Variants in GPR39 observed in about 807,000 individuals in gnomAD.
GPR39 encodes zinc sensing receptor.
GPR39 carries 23 observed loss-of-function variants against 18.4 expected under a neutral mutation model. That is an observed-to-expected ratio of 1.25 (90% CI 0.90 to 1.77). The LOEUF (loss-of-function observed/expected upper bound fraction) is 1.77, where lower values mean the gene tolerates loss of function less well. GPR39 is among the 40% of genes most tolerant of loss of function. The pLI is 0.00. For missense variants in GPR39, 647 were observed against 602.4 expected, an observed-to-expected ratio of 1.07 and a Z score of -0.78; for synonymous variants, 280 against 257.9, an observed-to-expected ratio of 1.09 and a Z score of -0.82.
At chr2:132,510,187 G>C (rs925446266) in intron 1 of GPR39, among the ~76,000 whole-genome samples, 1 of 152,188 alleles carries the variant, frequency 6.6e-6, no homozygotes, top group Non-Finnish European at 1.5e-5. Flanking sequence ...CACTGGGATG[G>C]TTTTTGTGAA....
At chr2:132,476,239 T>C (rs187982919) in intron 1 of GPR39, among the ~76,000 whole-genome samples, 1 of 152,214 alleles carries the variant, frequency 6.6e-6, no homozygotes, top group African/African-American at 2.4e-5. Context: ...GTATTCCAAC[T>C]CCAAAATCTT....
At chr2:132,510,738 A>G (rs780892002) in intron 1 of GPR39, among the ~76,000 whole-genome samples, 2 of 152,200 alleles carry the variant, frequency 1.3e-5, no homozygotes, top group African/African-American at 2.4e-5. Flanking sequence ...AATAGATCTG[A>G]TAAAATGGAT....
At chr2:132,615,936 CTT>C (rs35978559) in intron 1 of GPR39, among the ~76,000 whole-genome samples, 50,949 of 133,866 alleles carry the variant, frequency 0.38, 10,562 homozygotes, top group African/African-American at 0.61. Flanking sequence ...CATTCCAGCT[CTT>C]TTTTTTTTTT....
chr2:132,461,170 G>A (rs1178411391), intron 1 of GPR39, among the ~76,000 whole-genome samples: 4 of 152,156 alleles, frequency 2.6e-5, no homozygotes, highest in Non-Finnish European at 5.9e-5. Flanking sequence ...TGCAGATAAG[G>A]AAAATGGGAT....
At chr2:132,611,478 G>A (rs1372068947) in intron 1 of GPR39, among the ~76,000 whole-genome samples, 1 of 152,192 alleles carries the variant, frequency 6.6e-6, no homozygotes, top group Non-Finnish European at 1.5e-5. Flanking sequence ...CGAGAAATCA[G>A]TAAGCTCCAG....
chr2:132,551,367 A>G (rs1442228973), intron 1 of GPR39, among the ~76,000 whole-genome samples: 1 of 152,204 alleles, frequency 6.6e-6, no homozygotes, highest in Non-Finnish European at 1.5e-5. Context: ...AAAGAAGTTG[A>G]AAAAAGGATG....
chr2:132,482,878 A>G (rs1681261285), intron 1 of GPR39, among the ~76,000 whole-genome samples: 1 of 152,202 alleles, frequency 6.6e-6, no homozygotes, highest in Admixed American at 6.5e-5. Flanking sequence ...ATAAAAAGAA[A>G]TTCTTACAGT....
chr2:132,620,084 G>T (rs749355198), intron 1 of GPR39, among the ~76,000 whole-genome samples: 1 of 152,184 alleles, frequency 6.6e-6, no homozygotes, highest in Admixed American at 6.5e-5. Context: ...AAGTCCCCAT[G>T]CCTCAGTCAG....
intron 1 of GPR39, among the ~76,000 whole-genome samples, chr2:132,636,607 T>C (rs937786543): frequency 6.6e-6 from 1 of 152,224 alleles, no homozygotes; most frequent in Admixed American, 6.5e-5. Context: ...TTTGGACTCA[T>C]GGGCTGTGTA....
chr2:132,500,726 C>A (rs1679013545), intron 1 of GPR39, among the ~76,000 whole-genome samples: 1 of 151,768 alleles, frequency 6.6e-6, no homozygotes, highest in African/African-American at 2.4e-5. Flanking sequence ...TTTTTGTTGG[C>A]AATTTTTTAA....
chr2:132,644,377 A>C (rs1266725203), intron 1 of GPR39, among the ~76,000 whole-genome samples: 1 of 152,246 alleles, frequency 6.6e-6, no homozygotes, highest in African/African-American at 2.4e-5. Context: ...TACTGGCTGA[A>C]CTAGAAGGAA....
At chr2:132,619,830 GACACACACACAC>G (rs59907073) in intron 1 of GPR39, among the ~76,000 whole-genome samples, 2 of 138,474 alleles carry the variant, frequency 1.4e-5, no homozygotes, top group South Asian at 2.3e-4. Context: ...CACAGACACA[GACACACACACAC>G]ACACACACAC....
chr2:132,461,642 T>C (rs1392673533), intron 1 of GPR39, among the ~76,000 whole-genome samples: 2 of 152,256 alleles, frequency 1.3e-5, no homozygotes, highest in Admixed American at 6.5e-5. Context: ...CATTTCTTGC[T>C]GTTTTCATAT....
intron 1 of GPR39, among the ~76,000 whole-genome samples, chr2:132,475,927 G>A (rs773655983): frequency 6.6e-6 from 1 of 152,140 alleles, no homozygotes; most frequent in African/African-American, 2.4e-5. Context: ...GCAGCCATTT[G>A]ACCTTCCAGT....
rs997017984 is a variant in GPR39, at chr2:132,646,150, G to T, written c.*544G>T. The T allele has an allele frequency of 1.2e-6, 2 of 1,611,796 alleles. No homozygotes were observed. Among genetic ancestry groups the T allele is most frequent in the East Asian group, 2.2e-5 (1 of 44,812 alleles). ...TTCCCCTTTTCTTGGGCCTTGGCCC[G>T]TTACAAAGAGGGGTGTTGCAGCAGC... On this transcript the variant is annotated 3_prime_UTR_variant, in exon 2 of 2. Transcript: ENST00000329321.
At chr2:132,424,056 A>G (rs1680068236) in intron 1 of GPR39, among the ~76,000 whole-genome samples, 3 of 152,176 alleles carry the variant, frequency 2.0e-5, no homozygotes, top group Admixed American at 2.0e-4. Flanking sequence ...CTGAAGTCAA[A>G]CCAACATGCA....
chr2:132,487,510 G>T, intron 1 of GPR39, among the ~76,000 whole-genome samples: 1 of 151,960 alleles, frequency 6.6e-6, no homozygotes, highest in East Asian at 1.9e-4. Context: ...ATTATAACTA[G>T]GTTTAATATG....
At chr2:132,560,954 C>T (rs1179267804) in intron 1 of GPR39, among the ~76,000 whole-genome samples, 3 of 123,604 alleles carry the variant, frequency 2.4e-5, no homozygotes, top group East Asian at 9.8e-4. Context: ...CTCTGTTGCC[C>T]AGGCTGGAGT....
chr2:132,614,445 C>T (rs1474913030), intron 1 of GPR39, among the ~76,000 whole-genome samples: 1 of 151,930 alleles, frequency 6.6e-6, no homozygotes, highest in Non-Finnish European at 1.5e-5. Flanking sequence ...TGATCTTGAT[C>T]TCTTGACCTC....
Sources: gnomAD v4.1 joint callset for allele counts (sites outside exome capture counted in the v4.1 genomes callset) on GRCh38, gnomAD v4.1.1 for gene constraint, MANE v1.5 for transcripts, NCBI Gene and HGNC (gene_info 2026-07-23, HGNC 2026-07-21) for gene names.